The following FAM186A variants were observed in gnomAD, a reference collection of about 807,000 sequenced individuals.
FAM186A encodes protein FAM186A.
FAM186A carries 163 observed loss-of-function variants against 216.8 expected under a neutral mutation model. The ratio of observed to expected loss-of-function variants is 0.75; its 90% CI spans 0.66 to 0.86. FAM186A has a LOEUF of 0.86. Among genes scored for constraint, FAM186A ranks in the 40% least tolerant of loss-of-function variants. The probability of loss-of-function intolerance (pLI) is 0.00; values close to 1 mark genes in which losing one functional copy is unlikely to be tolerated. For synonymous variants in FAM186A, 805 were observed against 1,025.3 expected (o/e 0.79, Z 4.10); for missense variants, 2,184 against 2,746.2 (o/e 0.80, Z 4.58).
intron 2 of FAM186A, among the ~76,000 whole-genome samples, chr12:50,361,294 G>C (rs1425864688): frequency 1.3e-5 from 2 of 152,200 alleles, no homozygotes; most frequent in Non-Finnish European, 2.9e-5. Flanking sequence ...TGCCTCCCAG[G>C]TTCAAGCGAT....
chr12:50,329,597 TAC>T (rs1453333901), intron 7 of FAM186A, among the ~76,000 whole-genome samples: 2 of 151,320 alleles, frequency 1.3e-5, no homozygotes, highest in African/African-American at 2.4e-5. Context: ...GAATTAACAC[TAC>T]TTTTTTTTTT....
At chr12:50,328,681 G>A (rs1289264235) in intron 7 of FAM186A, among the ~76,000 whole-genome samples, 3 of 151,354 alleles carry the variant, frequency 2.0e-5, no homozygotes, top group African/African-American at 7.3e-5. Context: ...CTAATTTTTT[G>A]TATTTTTAGT....
intron 1 of FAM186A, among the ~76,000 whole-genome samples, chr12:50,390,012 G>C (rs1026860876): frequency 2.8e-4 from 42 of 152,172 alleles, no homozygotes; most frequent in Admixed American, 2.6e-3. Flanking sequence ...CCACAGGTAA[G>C]GGAGTCAGTG....
Position 50,352,064 on chromosome 12 carries a change from G to A in FAM186A, c.4768C>T (p.Pro1590Ser), listed in dbSNP as rs1592608472. The A allele has an allele frequency of 6.6e-7, 1 of 1,508,148 alleles. No individual in the cohort carries two copies. Among genetic ancestry groups the A allele is most frequent in the East Asian group, 2.7e-5 (1 of 37,506 alleles). The allele number at this position is 1,508,148 out of a possible 1,614,324, so 93.4% of individuals were successfully genotyped here. The change falls in exon 4 of 8, where the codon CCT becomes TCT. Residue 1590 changes from proline to serine, a missense_variant. By Grantham distance (74) the Pro-to-Ser change is moderately conservative. Around this residue, in one of 7 missense-constraint regions of FAM186A, gnomAD observed 16 missense variants for 91.3 expected, o/e 0.18. Transcript: ENST00000327337. ...TPQQAQELGI[P>S]LTPQQAQELG... ...TCCTGCGCCTGCTGAGGGGTGAGAG[G>A]GATCCCCAGTTCCTGCGCCTGCTGA...
chr12:50,353,781 C>CAA lies in FAM186A; in HGVS notation c.3049_3050dup (p.Leu1017PhefsTer2), dbSNP rs769691843. 10 of 1,551,506 alleles carry CAA rather than the reference C, an allele frequency of 6.4e-6. No individual in the cohort carries two copies. In the South Asian group the frequency reaches 1.2e-4, roughly 18 times the overall value. On this transcript the variant is annotated frameshift_variant, in exon 4 of 8. Coordinates refer to ENST00000327337, the MANE Select transcript of FAM186A (RefSeq NM_001145475.3). LOFTEE classifies it high-confidence loss of function. ...CTTCATATGACCGCTGTACATCTTT[C>CAA]AATACACTCTTCCACCTGGGAGATA... is the stretch of plus-strand genomic sequence containing the variant.
intron 1 of FAM186A, among the ~76,000 whole-genome samples, chr12:50,384,592 A>G (rs1943284770): frequency 6.6e-6 from 1 of 152,180 alleles, no homozygotes; most frequent in Non-Finnish European, 1.5e-5. Flanking sequence ...TAGCATAAAA[A>G]CAGATACATT....
intron 1 of FAM186A, among the ~76,000 whole-genome samples, chr12:50,390,514 C>A (rs538631343): frequency 2.6e-5 from 4 of 152,182 alleles, no homozygotes; most frequent in African/African-American, 7.2e-5. Context: ...CTATTCATTT[C>A]TGGGAACATC....
At chr12:50,367,119 A>G (rs1943097006) in intron 1 of FAM186A, among the ~76,000 whole-genome samples, 1 of 152,226 alleles carries the variant, frequency 6.6e-6, no homozygotes, top group Non-Finnish European at 1.5e-5. Flanking sequence ...TATATTCAAC[A>G]GTGAAAGACT....
At chr12:50,372,028 T>C (rs1272199113) in intron 1 of FAM186A, among the ~76,000 whole-genome samples, 1 of 151,968 alleles carries the variant, frequency 6.6e-6, no homozygotes, top group Non-Finnish European at 1.5e-5. Flanking sequence ...GTCAGGCTGG[T>C]CTCAAACTCC....
intron 1 of FAM186A, among the ~76,000 whole-genome samples, chr12:50,385,417 C>CAAAA (rs1281395536): frequency 0.012 from 600 of 51,814 alleles, 5 homozygotes; most frequent in African/African-American, 0.036. Flanking sequence ...GACTCTGTCT[C>CAAAA]AAAAAAAAAA....
In FAM186A at chr12:50,352,453, G is replaced by C; in HGVS notation, c.4379C>G (p.Thr1460Ser). The C allele has an allele frequency of 1.3e-6, 2 of 1,500,606 alleles. No individual in the cohort carries two copies. Among genetic ancestry groups the C allele is most frequent in the Non-Finnish European group, 1.8e-6 (2 of 1,117,856 alleles). 93.0% of individuals were successfully genotyped at this position (1,500,606 alleles called of 1,614,324 possible). A position where few individuals can be genotyped will look rare whatever the true frequency, so the allele number is the denominator to read the frequency against. ...CCCCAATTCCTGAGCCTGCTGAGGGGTGAGAGTGATCCCCAGCTCCTGAGC... is the reference window on the plus strand; with the variant it reads ...CCCCAATTCCTGAGCCTGCTGAGGGCTGAGAGTGATCCCCAGCTCCTGAGC... Reference protein sequence around the residue: ...QQAQELGITLTPQQAQELGIP... With the variant: ...QQAQELGITLSPQQAQELGIP... The change falls in exon 4 of 8, where the codon ACC (threonine) becomes AGC (serine). Residue 1460 changes from threonine to serine, a missense_variant. Physicochemically the swap from Thr to Ser is moderately conservative, Grantham distance 58 (BLOSUM62 1). This residue lies in a region of FAM186A where 267 missense variants were observed against 446.2 expected (regional missense o/e 0.60). Transcript: ENST00000327337.
At chr12:50,367,405 C>G (rs1370926425) in intron 1 of FAM186A, among the ~76,000 whole-genome samples, 1 of 150,934 alleles carries the variant, frequency 6.6e-6, no homozygotes, top group African/African-American at 2.4e-5. Flanking sequence ...GTAGTCCCAG[C>G]TACTCGGGAG....
intron 7 of FAM186A, among the ~76,000 whole-genome samples, chr12:50,329,054 A>G (rs1942631158): frequency 6.6e-6 from 1 of 152,168 alleles, no homozygotes; most frequent in Admixed American, 6.5e-5. Context: ...CAGGAGGCAG[A>G]GGTTGCAGTG....
At chr12:50,330,415 T>C (rs1203187033) in intron 7 of FAM186A, among the ~76,000 whole-genome samples, 158 bp downstream of exon 7, 4 of 152,156 alleles carry the variant, frequency 2.6e-5, no homozygotes, top group African/African-American at 9.7e-5. Flanking sequence ...TAATGCTGAA[T>C]TTACCTGTAC....
At chr12:50,356,801 C>G (rs11169391) in intron 3 of FAM186A, among the ~76,000 whole-genome samples, 48,860 of 152,106 alleles carry the variant, frequency 0.32, 8,138 homozygotes, top group South Asian at 0.48. Flanking sequence ...GAATTCAAGA[C>G]CAGCCTGGCC....
At chr12:50,366,620 A>G (rs1943089839) in intron 1 of FAM186A, among the ~76,000 whole-genome samples, 1 of 110,524 alleles carries the variant, frequency 9.0e-6, no homozygotes, top group African/African-American at 3.3e-5. Flanking sequence ...AAATGAATAG[A>G]ATGACCAAAA....
At chr12:50,360,208 C>T (rs1263220321) in intron 3 of FAM186A, among the ~76,000 whole-genome samples, 1 of 145,524 alleles carries the variant, frequency 6.9e-6, no homozygotes, top group African/African-American at 2.6e-5. Flanking sequence ...CTGGCCACTG[C>T]ACTCCAGCCT....
intron 1 of FAM186A, among the ~76,000 whole-genome samples, chr12:50,381,715 T>C (rs778521621): frequency 2.2e-4 from 33 of 152,142 alleles, no homozygotes; most frequent in Non-Finnish European, 4.0e-4. Context: ...ATCTTGGAAA[T>C]TTGGAAGGCC....
chr12:50,338,824 T>C (rs1391592269), intron 4 of FAM186A, among the ~76,000 whole-genome samples: 1 of 152,206 alleles, frequency 6.6e-6, no homozygotes, highest in African/African-American at 2.4e-5. Flanking sequence ...AATGCAATAA[T>C]ATATCTGAAG....
Sources: allele counts gnomAD v4.1 joint callset (sites outside exome capture counted in the v4.1 genomes callset), GRCh38; gene constraint gnomAD v4.1.1; regional missense constraint gnomAD v4.1.1; transcripts MANE v1.5; gene names NCBI Gene and HGNC (gene_info 2026-07-23, HGNC 2026-07-21).